The following CLASP2 variants were observed in gnomAD, a reference collection of about 807,000 sequenced individuals.
CLASP2 encodes the protein CLIP-associating protein 2.
Under a neutral mutation model 194.4 loss-of-function variants are expected in CLASP2, and 47 were observed. The ratio of observed to expected loss-of-function variants is 0.24; its 90% CI spans 0.19 to 0.31. CLASP2 has a LOEUF of 0.31. Ranked by LOEUF, CLASP2 falls within the 10% of genes least tolerant of loss-of-function variation. The pLI is 1.00. For missense variants in CLASP2, 1,445 were observed against 1,823.6 expected (o/e 0.79, Z 3.78); for synonymous variants, 619 against 633.5 (o/e 0.98, Z 0.34).
At chr3:33,679,379 A>G (rs149270330) in intron 6 of CLASP2, among the ~76,000 whole-genome samples, 187 of 152,332 alleles carry the variant, frequency 1.2e-3, no homozygotes, top group African/African-American at 4.4e-3. Context: ...GAAATAACTG[A>G]TAAGTTGAAC....
At chr3:33,530,169 C>T (rs112810304) in intron 34 of CLASP2, among the ~76,000 whole-genome samples, 9 of 151,838 alleles carry the variant, frequency 5.9e-5, no homozygotes, top group African/African-American at 1.5e-4. Context: ...ATGAAAAGTA[C>T]AGTATAGTAA....
chr3:33,558,549 C>CAAAAAA, intron 29 of CLASP2: 1 of 151,082 alleles, frequency 6.6e-6, no homozygotes, highest in South Asian at 2.1e-4. Flanking sequence ...AGGAGCTATT[C>CAAAAAA]TTTTACATTT....
intron 20 of CLASP2, among the ~76,000 whole-genome samples, chr3:33,593,407 T>C (rs900141562): frequency 1.3e-5 from 2 of 152,176 alleles, no homozygotes; most frequent in African/African-American, 4.8e-5. Flanking sequence ...AGATACAATT[T>C]GTAGGGTATA....
intron 37 of CLASP2, among the ~76,000 whole-genome samples, chr3:33,506,454 T>C (rs1377480614): frequency 6.6e-6 from 1 of 151,540 alleles, no homozygotes; most frequent in Non-Finnish European, 1.5e-5. Flanking sequence ...CATTGTAGTA[T>C]TATTCTAAAG....
intron 24 of CLASP2, among the ~76,000 whole-genome samples, chr3:33,574,648 G>A (rs977965437): frequency 6.6e-6 from 1 of 152,120 alleles, no homozygotes; most frequent in African/African-American, 2.4e-5. Flanking sequence ...TTAGCAGGCT[G>A]TGTCTTTAAT....
chr3:33,642,659 A>C (rs1257955612), intron 8 of CLASP2, among the ~76,000 whole-genome samples: 1 of 151,952 alleles, frequency 6.6e-6, no homozygotes, highest in African/African-American at 2.4e-5. Flanking sequence ...TACAACTCTA[A>C]GAAAACTTTC....
At chr3:33,690,029 A>C in intron 2 of CLASP2, 97 bp from the exon 3 acceptor site, 1 of 725,460 alleles carries the variant, frequency 1.4e-6, no homozygotes, top group Non-Finnish European at 2.1e-6. Flanking sequence ...GTTTCCATAA[A>C]TGAAGAGTTG....
intron 18 of CLASP2, among the ~76,000 whole-genome samples, chr3:33,599,355 T>G (rs2071386879): frequency 2.6e-5 from 4 of 152,042 alleles, no homozygotes; most frequent in African/African-American, 7.2e-5. Flanking sequence ...ATTCCTGAGC[T>G]CAAGCAATTC....
chr3:33,637,206 T>G (rs547493562), intron 8 of CLASP2, among the ~76,000 whole-genome samples: 2 of 152,244 alleles, frequency 1.3e-5, no homozygotes, highest in Admixed American at 6.5e-5. Context: ...GTCACAGAGA[T>G]AAAAACTGAT....
intron 27 of CLASP2, among the ~76,000 whole-genome samples, chr3:33,562,411 G>C (rs1016402818): frequency 1.3e-5 from 2 of 152,130 alleles, no homozygotes; most frequent in Non-Finnish European, 2.9e-5. Flanking sequence ...TATGACAAAT[G>C]CATGTAACTA....
intron 37 of CLASP2, among the ~76,000 whole-genome samples, chr3:33,507,216 C>T (rs1376325300): frequency 1.3e-5 from 2 of 152,112 alleles, no homozygotes; most frequent in African/African-American, 2.4e-5. Context: ...GGATTACAGG[C>T]GTGAGCCACC....
At chr3:33,598,022 G>A (rs1468736181) in intron 18 of CLASP2, among the ~76,000 whole-genome samples, 5 of 152,072 alleles carry the variant, frequency 3.3e-5, no homozygotes, top group Non-Finnish European at 7.4e-5. Context: ...CAAAGTGCTA[G>A]GATTACACGT....
intron 20 of CLASP2, 23 bp from the exon 21 acceptor site, chr3:33,592,519 A>C (rs1231730379): frequency 6.5e-7 from 1 of 1,541,610 alleles, no homozygotes; most frequent in Non-Finnish European, 8.9e-7. Context: ...ATATTTACAT[A>C]ATTAAAAACA....
At chr3:33,699,566 G>GTCCC (rs1388877086) in intron 1 of CLASP2, among the ~76,000 whole-genome samples, 1 of 152,088 alleles carries the variant, frequency 6.6e-6, no homozygotes, top group African/African-American at 2.4e-5. Flanking sequence ...CAGTATAGTA[G>GTCCC]TCCCCCCTTA....
intron 1 of CLASP2, among the ~76,000 whole-genome samples, chr3:33,706,022 G>A (rs72858377): frequency 0.075 from 11,379 of 152,160 alleles, 458 homozygotes; most frequent in Admixed American, 0.1. Flanking sequence ...GGAAGTCAAG[G>A]TGGAAGCATC....
intron 33 of CLASP2, 38 bp downstream of exon 33, chr3:33,538,751 T>C (rs751692260): frequency 1.1e-5 from 16 of 1,475,472 alleles, no homozygotes; most frequent in Non-Finnish European, 3.6e-6. Flanking sequence ...TAATGAACAA[T>C]AAAATAGTCT....
At chr3:33,689,121 A>G (rs974111237) in intron 3 of CLASP2, among the ~76,000 whole-genome samples, 1 of 151,832 alleles carries the variant, frequency 6.6e-6, no homozygotes, top group African/African-American at 2.4e-5. Flanking sequence ...ATTCAGTTCT[A>G]TTAATATATT....
Position 33,685,342 on chromosome 3 carries a change from C to CAAA in CLASP2, c.547-889_547-887dup, listed in dbSNP as rs56240569. 6.2e-4 allele frequency among the ~76,000 whole-genome samples: 30 copies of CAAA among 48,124 alleles called. 3 individuals are homozygous for CAAA. Among genetic ancestry groups the CAAA allele is most frequent in the South Asian group, 5.4e-3 (5 of 930 alleles). 31.6% of individuals were successfully genotyped at this position (48,124 alleles called of 152,430 possible). ...GGGCAACAAGAGCGAAACTCCGTCTCAAAAAAAAAAAAAAAAAAAAAAAAA... is the reference window on the plus strand; with the variant it reads ...GGGCAACAAGAGCGAAACTCCGTCTCAAAAAAAAAAAAAAAAAAAAAAAAAAAA... On this transcript the variant is annotated intron_variant, in intron 5 of 38. Transcript: ENST00000682230.
At chr3:33,577,974 T>TA (rs946716790) in intron 23 of CLASP2, among the ~76,000 whole-genome samples, 2 of 152,090 alleles carry the variant, frequency 1.3e-5, no homozygotes, top group African/African-American at 4.8e-5. Flanking sequence ...CATTTAAAAG[T>TA]ACATAATCTA....
Sources: gnomAD v4.1 joint callset for allele counts (sites outside exome capture counted in the v4.1 genomes callset) on GRCh38, gnomAD v4.1.1 for gene constraint, MANE v1.5 for transcripts, NCBI Gene and HGNC (gene_info 2026-07-23, HGNC 2026-07-21) for gene names.